NFATC1: variants seen among roughly 807,000 people sequenced by gnomAD.
The protein encoded by NFATC1 is nuclear factor of activated T cells 1.
NFATC1 carries 22 observed loss-of-function variants against 76.0 expected under a neutral mutation model. The observed-to-expected ratio is 0.29, with a 90% confidence interval of 0.21 to 0.41. The LOEUF (loss-of-function observed/expected upper bound fraction) is 0.41. NFATC1 is among the 10% of genes least tolerant of loss of function. The pLI is 1.00. For missense variants in NFATC1, 1,357 were observed against 1,337.7 expected (o/e 1.01, Z -0.23); for synonymous variants, 704 against 613.1 (o/e 1.15, Z -2.19).
intron 6 of NFATC1, 25 bp from the exon 7 acceptor site, chr18:79,461,286 G>T (rs1333823090): frequency 1.2e-6 from 2 of 1,613,912 alleles, no homozygotes; most frequent in East Asian, 4.5e-5. Context: ...CAGAGTCACA[G>T]ACGTTTCCTG....
At chr18:79,396,992 G>C (rs1056930642) in intron 1 of NFATC1, among the ~76,000 whole-genome samples, 11 of 152,206 alleles carry the variant, frequency 7.2e-5, no homozygotes, top group Non-Finnish European at 1.5e-4. Flanking sequence ...AGATGTTTCA[G>C]GCAAGTTTGA....
At chr18:79,432,854 TCTC>T (rs56220209) in intron 2 of NFATC1, among the ~76,000 whole-genome samples, 20,505 of 152,072 alleles carry the variant, frequency 0.13, 1,660 homozygotes, top group Non-Finnish European at 0.18. Flanking sequence ...CAAACATTCA[TCTC>T]CTGAAAAGAC....
intron 8 of NFATC1, among the ~76,000 whole-genome samples, chr18:79,481,001 C>T (rs1238409905): frequency 1.3e-5 from 2 of 152,242 alleles, no homozygotes; most frequent in East Asian, 3.9e-4. Context: ...CTTGGCCATT[C>T]GGGACACCAG....
chr18:79,461,230 G>T (rs2088059905), intron 6 of NFATC1, 81 bp from the exon 7 acceptor site: 2 of 1,536,614 alleles, frequency 1.3e-6, no homozygotes. Flanking sequence ...CAGGGCCCTG[G>T]GTCTGGATCA....
chr18:79,452,392 C>CA (rs2087514288), intron 6 of NFATC1, among the ~76,000 whole-genome samples: 1 of 152,184 alleles, frequency 6.6e-6, no homozygotes, highest in Non-Finnish European at 1.5e-5. Context: ...CTGGAGGCTC[C>CA]GGGGCTGAAC....
chr18:79,509,981 C>G (rs1433337900), intron 9 of NFATC1, among the ~76,000 whole-genome samples: 1 of 152,262 alleles, frequency 6.6e-6, no homozygotes, highest in Non-Finnish European at 1.5e-5. Context: ...CCTCGTTGAT[C>G]TTTGGTCCTT....
chr18:79,472,003 T>C (rs2088807088), intron 8 of NFATC1, among the ~76,000 whole-genome samples: 1 of 152,210 alleles, frequency 6.6e-6, no homozygotes, highest in South Asian at 2.1e-4. Flanking sequence ...GGGAATAGAT[T>C]CCATTACTTC....
intron 8 of NFATC1, among the ~76,000 whole-genome samples, chr18:79,471,775 A>G (rs772678401): frequency 5.3e-5 from 8 of 152,254 alleles, no homozygotes; most frequent in African/African-American, 1.9e-4. Context: ...CGTGACATCC[A>G]GGGTGTGAAG....
At position 79,464,648 on chromosome 18, in the gene NFATC1, T is replaced by TTCTGTG. The variant is rs1555911903; in HGVS notation, c.1960-2801_1960-2800insCTGTGT. Reference sequence around the variant, plus strand: ...TACATTATATTGTGGATATATGTGTTTGTGTGTGTGTGTGTGTGTGTGTAT... The same window carrying TTCTGTG: ...TACATTATATTGTGGATATATGTGTTTCTGTGTGTGTGTGTGTGTGTGTGTGTGTAT... On this transcript the variant is annotated intron_variant, in intron 7 of 9. Coordinates refer to ENST00000427363, the MANE Select transcript of NFATC1 (RefSeq NM_001278669.2). 3.3e-3 allele frequency among the ~76,000 whole-genome samples: 432 copies of TTCTGTG among 131,616 alleles called. 7 individuals carry two copies. Among genetic ancestry groups the TTCTGTG allele is most frequent in the African/African-American group, 7.3e-3 (241 of 32,814 alleles). The allele number at this position is 131,616 out of a possible 152,430, so 86.3% of individuals were successfully genotyped here.
intron 9 of NFATC1, among the ~76,000 whole-genome samples, chr18:79,510,084 A>T (rs994516061): frequency 7.7e-4 from 117 of 152,382 alleles, no homozygotes; most frequent in African/African-American, 2.7e-3. Context: ...AACCAAATTT[A>T]GGAAAACAGA....
At chr18:79,435,955 A>G (rs1004513431) in intron 3 of NFATC1, among the ~76,000 whole-genome samples, 2 of 151,522 alleles carry the variant, frequency 1.3e-5, no homozygotes, top group Non-Finnish European at 2.9e-5. Flanking sequence ...TTTGTGATGT[A>G]TCTGTGGCAG....
chr18:79,400,502 G>T, intron 1 of NFATC1: 1 of 1,400,440 alleles, frequency 7.1e-7, no homozygotes. Context: ...CGGAGGGCGC[G>T]GGGGGCGCGG....
chr18:79,480,538 C>T (rs1447004115), intron 8 of NFATC1, among the ~76,000 whole-genome samples: 1 of 152,198 alleles, frequency 6.6e-6, no homozygotes, highest in African/African-American at 2.4e-5. Flanking sequence ...CTCGCCACCA[C>T]CATCCTAGGT....
At chr18:79,484,135 C>T (rs1159432899) in intron 8 of NFATC1, among the ~76,000 whole-genome samples, 1 of 151,994 alleles carries the variant, frequency 6.6e-6, no homozygotes, top group African/African-American at 2.4e-5. Flanking sequence ...GGAGCACACC[C>T]GTTCTCCCTC....
chr18:79,429,046 CTG>C (rs1450916535), intron 2 of NFATC1, among the ~76,000 whole-genome samples: 1 of 152,098 alleles, frequency 6.6e-6, no homozygotes, highest in South Asian at 2.1e-4. Flanking sequence ...CATGGTGAAA[CTG>C]TGTCTCTACT....
intron 2 of NFATC1, among the ~76,000 whole-genome samples, chr18:79,430,164 T>C (rs1168681165): frequency 6.6e-6 from 1 of 152,248 alleles, no homozygotes; most frequent in African/African-American, 2.4e-5. Context: ...GACACGTGGC[T>C]GCGTTTACAC....
rs1273648026 is a variant in NFATC1 at position 79,411,521 on chromosome 18, C to T, written c.1226+20C>T. 8 of 1,422,862 alleles carry T rather than the reference C, an allele frequency of 5.6e-6. No homozygotes were observed. Among genetic ancestry groups the T allele is most frequent in the Non-Finnish European group, 6.4e-6 (7 of 1,086,788 alleles). The allele number at this position is 1,422,862 out of a possible 1,614,324, so 88.1% of individuals were successfully genotyped here. A position where few individuals can be genotyped will look rare whatever the true frequency, so the allele number is the denominator to read the frequency against. On this transcript the variant is annotated intron_variant, in intron 2 of 9. Coordinates refer to ENST00000427363, the MANE Select transcript of NFATC1 (RefSeq NM_001278669.2). Reference sequence around the variant, plus strand: ...CATGAGGTGAGCCGGCAGCGCGGGGCGGGACGGGGAGGCGAGGGGAGGCGC... The same window carrying T: ...CATGAGGTGAGCCGGCAGCGCGGGGTGGGACGGGGAGGCGAGGGGAGGCGC...
chr18:79,513,429 G>A (rs965259883), intron 9 of NFATC1, among the ~76,000 whole-genome samples: 7 of 152,124 alleles, frequency 4.6e-5, no homozygotes, highest in Admixed American at 1.3e-4. Flanking sequence ...CCAGATACCC[G>A]CGTCATCCCC....
At chr18:79,473,004 G>T (rs1289941986) in intron 8 of NFATC1, among the ~76,000 whole-genome samples, 2 of 152,206 alleles carry the variant, frequency 1.3e-5, no homozygotes, top group East Asian at 1.9e-4. Flanking sequence ...AACCAGGGTG[G>T]CCTCCCCTTT....
Sources: allele counts gnomAD v4.1 joint callset (sites outside exome capture counted in the v4.1 genomes callset), GRCh38; gene constraint gnomAD v4.1.1; transcripts MANE v1.5; gene names NCBI Gene and HGNC (gene_info 2026-07-23, HGNC 2026-07-21).